The following SSBP1 variants were observed in gnomAD, a reference collection of about 807,000 sequenced individuals.
The protein encoded by SSBP1 is single stranded DNA binding protein 1.
In SSBP1, 20 loss-of-function variants were observed where a neutral mutation model predicts 27.0. The ratio of observed to expected loss-of-function variants is 0.74; its 90% CI spans 0.52 to 1.08. SSBP1 has a LOEUF of 1.08. SSBP1 is among the 50% of genes least tolerant of loss of function. The probability of loss-of-function intolerance (pLI) is 0.00; values close to 1 mark genes in which losing one functional copy is unlikely to be tolerated. For missense variants in SSBP1, 137 were observed against 182.4 expected (o/e 0.75, Z 1.44); for synonymous variants, 59 against 59.3 (o/e 1.00, Z 0.02).
At position 141,739,150 on chromosome 7, in the gene SSBP1, A is replaced by G. The variant is rs909858082; in HGVS notation, c.-17A>G. The G allele has an allele frequency of 1.3e-6, 2 of 1,592,034 alleles. No individual in the cohort carries two copies. The highest frequency in any genetic ancestry group is 2.7e-5 in the African/African-American group (2 of 73,910). The stretch of plus-strand genomic sequence containing the variant: ...AAAAGCCTAAAGATTAGACTGTAAG[A>G]AAAGAAAATAGAAGCCATGTTTCGA... On this transcript the variant is annotated 5_prime_UTR_variant, in exon 2 of 7. Coordinates refer to ENST00000265304, the MANE Select transcript of SSBP1 (RefSeq NM_003143.3).
intron 3 of SSBP1, 64 bp downstream of exon 3, chr7:141,742,293 G>A: frequency 8.0e-7 from 1 of 1,249,208 alleles, no homozygotes; most frequent in East Asian, 2.4e-5. Flanking sequence ...CAAATGTGTT[G>A]TAGAAGAGGT....
In SSBP1 at chr7:141,743,899, T is replaced by A. The variant is rs1405687079; in HGVS notation, c.227-3T>A. On this transcript the variant is annotated splice_region_variant and splice_polypyrimidine_tract_variant and intron_variant, in intron 4 of 6. Coordinates refer to ENST00000265304, the MANE Select transcript of SSBP1 (RefSeq NM_003143.3). Reference sequence around the variant, plus strand: ...TAACCAATTTCCTATTTTTATGATTTAGGTGATGTCAGTCAAAAGACAACA... The same window carrying A: ...TAACCAATTTCCTATTTTTATGATTAAGGTGATGTCAGTCAAAAGACAACA... 4 of 1,607,182 alleles carry A rather than the reference T, an allele frequency of 2.5e-6. No homozygotes were observed. The highest frequency in any genetic ancestry group is 3.4e-6 in the Non-Finnish European group (4 of 1,178,960).
intron 2 of SSBP1, chr7:141,740,880 A>T (rs985481004): frequency 2.0e-5 from 3 of 152,186 alleles, no homozygotes; most frequent in African/African-American, 7.2e-5. Flanking sequence ...CTTATTTTAA[A>T]ATGAAACACT....
At chr7:141,744,412 T>G (rs533361108) in intron 5 of SSBP1, among the ~76,000 whole-genome samples, 1 of 152,358 alleles carries the variant, frequency 6.6e-6, no homozygotes, top group East Asian at 1.9e-4. Context: ...CTGGAATGTC[T>G]GAAGCCTGAC....
chr7:141,745,417 T>C, intron 5 of SSBP1, 79 bp from the exon 6 acceptor site: 1 of 1,200,126 alleles, frequency 8.3e-7, no homozygotes, highest in Non-Finnish European at 1.2e-6. Context: ...CCTTGTCATA[T>C]ACTCAGTACC....
At chr7:141,744,071 GTCTC>G in intron 5 of SSBP1, 82 bp downstream of exon 5, 2 of 1,258,752 alleles carry the variant, frequency 1.6e-6, no homozygotes, top group Non-Finnish European at 2.2e-6. Flanking sequence ...GGAGTGTGTA[GTCTC>G]TTAAATCCCT....
At chr7:141,747,978 A>G (rs986100335) in intron 6 of SSBP1, among the ~76,000 whole-genome samples, 1 of 145,956 alleles carries the variant, frequency 6.9e-6, no homozygotes, top group African/African-American at 2.6e-5. Flanking sequence ...AGCCTGGGCA[A>G]TAGAGGAAGA....
At chr7:141,739,481 T>G (rs1799431261) in intron 2 of SSBP1, 2 of 301,002 alleles carry the variant, frequency 6.6e-6, no homozygotes, top group Non-Finnish European at 6.1e-6. Context: ...TTTAGTGACC[T>G]AAAGACTGTA....
At chr7:141,747,063 C>T (rs1799815436) in intron 6 of SSBP1, among the ~76,000 whole-genome samples, 1 of 152,076 alleles carries the variant, frequency 6.6e-6, no homozygotes, top group Admixed American at 6.5e-5. Flanking sequence ...ATAAAAGAAA[C>T]TTTAAAATAT....
chr7:141,743,146 C>T (rs777478714), intron 3 of SSBP1, among the ~76,000 whole-genome samples: 7 of 152,234 alleles, frequency 4.6e-5, no homozygotes, highest in South Asian at 2.1e-4. Flanking sequence ...AGCCACCGCG[C>T]CCAGCCAGGT....
upstream of SSBP1, chr7:141,738,348 T>A (rs1005892186): frequency 1.1e-4 from 17 of 152,254 alleles, no homozygotes; most frequent in African/African-American, 4.1e-4. Flanking sequence ...TGGCGAGCTT[T>A]GCGTTCCCTG....
intron 3 of SSBP1, among the ~76,000 whole-genome samples, chr7:141,742,584 C>T (rs1799584931): frequency 6.6e-6 from 1 of 152,168 alleles, no homozygotes; most frequent in Non-Finnish European, 1.5e-5. Context: ...TAAAGATTTT[C>T]AGATCTCAGA....
chr7:141,746,221 ATG>A (rs1354142754), intron 6 of SSBP1: 1 of 153,812 alleles, frequency 6.5e-6, no homozygotes, highest in Non-Finnish European at 1.4e-5. Context: ...GGGTTTCACC[ATG>A]TTGGTCAGGC....
intron 3 of SSBP1, among the ~76,000 whole-genome samples, chr7:141,742,897 C>T (rs1799599613): frequency 6.6e-6 from 1 of 152,188 alleles, no homozygotes; most frequent in Non-Finnish European, 1.5e-5. Flanking sequence ...CTCTGTCGCC[C>T]AGGCTGGAGT....
chr7:141,745,433 G>T lies in SSBP1; in HGVS notation c.315-63G>T. On this transcript the variant is annotated intron_variant, in intron 5 of 6. Coordinates refer to ENST00000265304, the MANE Select transcript of SSBP1 (RefSeq NM_003143.3). ...CTTGTCATATACTCAGTACCACCCTGACCTGACTCTTATAAAGCATATTAA... is the reference window on the plus strand; with the variant it reads ...CTTGTCATATACTCAGTACCACCCTTACCTGACTCTTATAAAGCATATTAA... 2.8e-6 allele frequency: 4 copies of T among 1,410,878 alleles called. No individual in the cohort carries two copies. The South Asian group carries it at 5.4e-5, about 19-fold the overall frequency. 87.4% of individuals were successfully genotyped at this position (1,410,878 alleles called of 1,614,324 possible). A position where few individuals can be genotyped will look rare whatever the true frequency, so the allele number is the denominator to read the frequency against.
chr7:141,739,128 A>G lies in SSBP1; in HGVS notation c.-39A>G. On this transcript the variant is annotated 5_prime_UTR_variant, in exon 2 of 7. Transcript: ENST00000265304. ...TATTTTGTTTTTTTCCTTCAGGAAA[A>G]GCCTAAAGATTAGACTGTAAGAAAA... is the stretch of plus-strand genomic sequence containing the variant. 1 of 1,560,910 alleles carries G rather than the reference A, an allele frequency of 6.4e-7. No individual in the cohort carries two copies. Among genetic ancestry groups the G allele is most frequent in the Non-Finnish European group, 8.6e-7 (1 of 1,158,914 alleles).
intron 3 of SSBP1, 129 bp downstream of exon 3, chr7:141,742,358 C>A (rs1799572361): frequency 1.5e-6 from 1 of 652,876 alleles, no homozygotes. Flanking sequence ...GTTTGCTCTT[C>A]AGATCTTAGC....
At position 141,743,961 on chromosome 7, in the gene SSBP1, G is replaced by A. The variant is rs764823528; in HGVS notation, c.286G>A (p.Asp96Asn). The A allele has an allele frequency of 6.2e-7, 1 of 1,613,310 alleles. No individual in the cohort carries two copies. Among genetic ancestry groups the A allele is most frequent in the Admixed American group, 1.7e-5 (1 of 59,970 alleles). The change falls in exon 5 of 7, where the codon GAC (aspartate) becomes AAC (asparagine). Residue 96 changes from aspartate to asparagine, a missense_variant. Coordinates refer to ENST00000265304, the MANE Select transcript of SSBP1 (RefSeq NM_003143.3). ...RISVFRPGLR[D>N]VAYQYVKKGS... is the part of the protein sequence containing the mutation. ...ATCAGTATTCCGGCCAGGCCTCAGA[G>A]ACGTGGCATATCAATATGTGAAAAA...
chr7:141,744,027 T>C, intron 5 of SSBP1, 38 bp downstream of exon 5: 1 of 1,572,284 alleles, frequency 6.4e-7, no homozygotes, highest in Non-Finnish European at 8.7e-7. Flanking sequence ...AATTGAATGA[T>C]TTAAAGAACC....
Sources: gnomAD v4.1 joint callset for allele counts (sites outside exome capture counted in the v4.1 genomes callset) on GRCh38, gnomAD v4.1.1 for gene constraint, MANE v1.5 for transcripts, NCBI Gene and HGNC (gene_info 2026-07-23, HGNC 2026-07-21) for gene names.